The following POU2F3 variants were observed in gnomAD, a reference collection of about 807,000 sequenced individuals.
POU2F3 encodes the protein POU domain, class 2, transcription factor 3.
A neutral mutation model predicts 59.2 loss-of-function variants in POU2F3; 23 were observed. That is an observed-to-expected ratio of 0.39 (90% CI 0.28 to 0.55). The LOEUF (loss-of-function observed/expected upper bound fraction) is 0.55, where lower values mean the gene tolerates loss of function less well. POU2F3 is among the 20% of genes least tolerant of loss of function. The pLI, the probability that POU2F3 is intolerant of heterozygous loss-of-function variation, is 0.66. For synonymous variants in POU2F3, 190 were observed against 214.6 expected, an observed-to-expected ratio of 0.89 and a Z score of 1.00; for missense variants, 473 against 544.5, an observed-to-expected ratio of 0.87 and a Z score of 1.31.
At chr11:120,273,808 G>C (rs920923627) in intron 3 of POU2F3, among the ~76,000 whole-genome samples, 36 of 152,096 alleles carry the variant, frequency 2.4e-4, no homozygotes, top group African/African-American at 8.5e-4. Flanking sequence ...CTGAGGTCAG[G>C]AGTTCAAGAC....
Position 120,309,513 on chromosome 11 carries a change from G to C in POU2F3, c.995G>C (p.Arg332Pro). The C allele has an allele frequency of 6.2e-7, 1 of 1,614,036 alleles. No individual in the cohort carries two copies. Among genetic ancestry groups the C allele is most frequent in the Non-Finnish European group, 8.5e-7 (1 of 1,179,992 alleles). ...KEVVRVWFCN[R>P]RQKEKRINCP... The stretch of plus-strand genomic sequence containing the variant: ...GTGGTGAGGGTCTGGTTCTGCAACC[G>C]ACGCCAAAAGGAGAAGCGAATCAAC... The change falls in exon 10 of 13, where the codon CGA (arginine) becomes CCA (proline). Residue 332 changes from arginine (R) to proline (P), a missense_variant. Arg to Pro is a moderately radical substitution (Grantham distance 103). Transcript: ENST00000543440.
At chr11:120,252,206 CTTT>C (rs1157582096) in intron 2 of POU2F3, among the ~76,000 whole-genome samples, 2 of 124,788 alleles carry the variant, frequency 1.6e-5, no homozygotes. Context: ...TTCTGCTTTT[CTTT>C]TTTTTTTTTT....
At chr11:120,298,240 G>A (rs184604763) in intron 3 of POU2F3, 25 bp from the exon 4 acceptor site, 672 of 1,601,526 alleles carry the variant, frequency 4.2e-4, no homozygotes, top group Non-Finnish European at 5.2e-4. Context: ...CAGCACTGAC[G>A]CTCTCCTCTT....
intron 2 of POU2F3, among the ~76,000 whole-genome samples, chr11:120,250,655 T>C (rs1939057446): frequency 1.3e-5 from 2 of 152,084 alleles, no homozygotes; most frequent in Non-Finnish European, 2.9e-5. Flanking sequence ...GGAGTCAACG[T>C]AGAGAACCAG....
At chr11:120,250,673 G>A (rs1448188116) in intron 2 of POU2F3, among the ~76,000 whole-genome samples, 1 of 152,074 alleles carries the variant, frequency 6.6e-6, no homozygotes, top group Non-Finnish European at 1.5e-5. Context: ...CAGGGACAGG[G>A]GACATAAGAC....
chr11:120,288,615 T>C (rs756587984), intron 3 of POU2F3, among the ~76,000 whole-genome samples: 1 of 152,166 alleles, frequency 6.6e-6, no homozygotes, highest in African/African-American at 2.4e-5. Flanking sequence ...CTCATGAAAG[T>C]ATTCTGAAAA....
At chr11:120,254,746 ATG>A (rs1358929582) in intron 2 of POU2F3, 11 of 152,264 alleles carry the variant, frequency 7.2e-5, no homozygotes, top group Admixed American at 7.2e-4. Flanking sequence ...ACAGGGCAGG[ATG>A]TGTGACCAGA....
chr11:120,278,289 T>C (rs1940418066), intron 3 of POU2F3, among the ~76,000 whole-genome samples: 1 of 152,146 alleles, frequency 6.6e-6, no homozygotes, highest in African/African-American at 2.4e-5. Flanking sequence ...GCGCAAGATG[T>C]CTAGAGTACC....
At chr11:120,242,896 G>A (rs976514640) in intron 1 of POU2F3, among the ~76,000 whole-genome samples, 13 of 152,162 alleles carry the variant, frequency 8.5e-5, no homozygotes, top group Admixed American at 7.9e-4. Context: ...AAGTAGACCC[G>A]AGACAGCCAG....
intron 2 of POU2F3, among the ~76,000 whole-genome samples, chr11:120,258,161 G>A (rs974159506): frequency 5.9e-5 from 9 of 152,164 alleles, no homozygotes; most frequent in African/African-American, 1.9e-4. Context: ...GCGCCCAGCT[G>A]AATCTTGCAC....
chr11:120,268,873 C>T (rs1165067816), intron 2 of POU2F3, among the ~76,000 whole-genome samples: 1 of 152,106 alleles, frequency 6.6e-6, no homozygotes, highest in Non-Finnish European at 1.5e-5. Context: ...CAGCTGCCAT[C>T]TGAGGGGGAA....
intron 6 of POU2F3, 48 bp downstream of exon 6, chr11:120,302,416 C>A: frequency 6.6e-7 from 1 of 1,518,602 alleles, no homozygotes; most frequent in Non-Finnish European, 9.1e-7. Flanking sequence ...TCTCAGCTCT[C>A]ACTGAGTTTA....
intron 5 of POU2F3, chr11:120,301,836 G>A (rs1014242006): frequency 7.7e-5 from 12 of 156,276 alleles, no homozygotes; most frequent in East Asian, 3.8e-4. Context: ...TGGCATCCTC[G>A]CAGATTTGAT....
chr11:120,285,039 A>T lies in POU2F3; in HGVS notation c.133-13226A>T, dbSNP rs765897960. On this transcript the variant is annotated intron_variant, in intron 3 of 12. Transcript: ENST00000543440. This position sits in a 1 kb window ranked among gnomAD's most constrained non-coding sequence, Gnocchi z 4.3. Reference sequence around the variant, plus strand: ...ATATATTCCATTTTTATCGTTCAAGATTTTGCATTTTTGGTGTTAAAATAT... The same window carrying T: ...ATATATTCCATTTTTATCGTTCAAGTTTTTGCATTTTTGGTGTTAAAATAT... Among the ~76,000 whole-genome samples, 5 of 152,138 alleles carry T rather than the reference A, an allele frequency of 3.3e-5. No homozygotes were observed. Among genetic ancestry groups the T allele is most frequent in the Non-Finnish European group, 7.4e-5 (5 of 68,020 alleles).
intron 3 of POU2F3, among the ~76,000 whole-genome samples, chr11:120,274,484 AAAG>A (rs1379011999): frequency 6.6e-6 from 1 of 152,232 alleles, no homozygotes; most frequent in East Asian, 1.9e-4. Context: ...CATGGACAGC[AAAG>A]AAGAGGGATG....
Position 120,304,937 on chromosome 11 carries a change from A to G in POU2F3, c.445-93A>G, listed in dbSNP as rs1025661335. 9 of 902,942 alleles carry G rather than the reference A, an allele frequency of 1.0e-5. No individual in the cohort carries two copies. In the African/African-American group the frequency reaches 2.3e-4, roughly 23 times the overall value. The allele number at this position is 902,942 out of a possible 1,614,324, so 55.9% of individuals were successfully genotyped here. On this transcript the variant is annotated intron_variant, in intron 6 of 12. Transcript: ENST00000543440. Reference sequence around the variant, plus strand: ...GATCTGTCATCCTCTAAGTGGGCCTATTAGTAAAAAAAAAAAAAAAAAAAA... The same window carrying G: ...GATCTGTCATCCTCTAAGTGGGCCTGTTAGTAAAAAAAAAAAAAAAAAAAA...
intron 3 of POU2F3, among the ~76,000 whole-genome samples, chr11:120,269,523 C>A (rs566687009): frequency 2.0e-5 from 3 of 152,258 alleles, no homozygotes; most frequent in Middle Eastern, 3.4e-3. Context: ...AAGACAAGAG[C>A]TCTTTTCCTG....
intron 3 of POU2F3, among the ~76,000 whole-genome samples, chr11:120,272,358 T>G (rs1320921386): frequency 6.6e-6 from 1 of 152,160 alleles, no homozygotes; most frequent in African/African-American, 2.4e-5. Flanking sequence ...GCACCTGCCC[T>G]GCTCCCTGTA....
Position 120,309,305 on chromosome 11 carries a change from C to T in POU2F3, c.907-120C>T, listed in dbSNP as rs548014930. The T allele has an allele frequency of 4.8e-6, 5 of 1,049,852 alleles. No individual in the cohort carries two copies. The South Asian group carries it at 9.4e-5, about 20-fold the overall frequency. The allele number at this position is 1,049,852 out of a possible 1,614,324, so 65.0% of individuals were successfully genotyped here. On this transcript the variant is annotated intron_variant, in intron 9 of 12. Transcript: ENST00000543440. Reference sequence around the variant, plus strand: ...GTAAGTGAAAAAGCCAGTATTTCATCCTAGGTCTGACTCTAAAGCTTTTGA... The same window carrying T: ...GTAAGTGAAAAAGCCAGTATTTCATTCTAGGTCTGACTCTAAAGCTTTTGA...
Sources: gnomAD v4.1 joint callset for allele counts (sites outside exome capture counted in the v4.1 genomes callset) on GRCh38, gnomAD v4.1.1 for gene constraint, Gnocchi (gnomAD v3.1) non-coding constraint, MANE v1.5 for transcripts, NCBI Gene and HGNC (gene_info 2026-07-23, HGNC 2026-07-21) for gene names.